IQGAP2: variants seen among roughly 807,000 people sequenced by gnomAD.
IQGAP2 encodes the protein ras GTPase-activating-like protein IQGAP2.
A neutral mutation model predicts 201.3 loss-of-function variants in IQGAP2; 173 were observed. The ratio of observed to expected loss-of-function variants is 0.86; its 90% CI spans 0.76 to 0.98. The LOEUF (loss-of-function observed/expected upper bound fraction) is 0.98. Ranked by LOEUF, IQGAP2 falls within the 50% of genes least tolerant of loss-of-function variation. IQGAP2 has a pLI of 0.00. For synonymous variants in IQGAP2, 675 were observed against 673.9 expected, an observed-to-expected ratio of 1.00 and a Z score of -0.03; for missense variants, 1,687 against 1,864.8, an observed-to-expected ratio of 0.90 and a Z score of 1.76.
At chr5:76,475,771 C>T (rs1487548967) in intron 2 of IQGAP2, among the ~76,000 whole-genome samples, 3 of 152,062 alleles carry the variant, frequency 2.0e-5, no homozygotes, top group Admixed American at 1.3e-4. Flanking sequence ...AGTCTACTTG[C>T]GTACATGTTA....
intron 11 of IQGAP2, among the ~76,000 whole-genome samples, chr5:76,602,366 T>C (rs1327033839): frequency 6.6e-6 from 1 of 152,180 alleles, no homozygotes; most frequent in Non-Finnish European, 1.5e-5. Flanking sequence ...ATTCCACATA[T>C]TTAGCATCCC....
Position 76,592,840 on chromosome 5 carries a change from T to A in IQGAP2, c.822T>A (p.Asn274Lys). The A allele has an allele frequency of 6.3e-7, 1 of 1,598,114 alleles. No homozygotes were observed. The highest frequency in any genetic ancestry group is 1.7e-4 in the Middle Eastern group (1 of 6,024). The change falls in exon 9 of 36, where the codon AAT (asparagine) becomes AAA (lysine). Residue 274 changes from asparagine to lysine, a missense_variant and splice_region_variant. Coordinates refer to ENST00000274364, the MANE Select transcript of IQGAP2 (RefSeq NM_006633.5). ...KKKEENARLK[N>K]SCISEEERDA... is the part of the protein sequence containing the mutation. ...TCAGTGAAGACTTTGTTTTGCAGAA[T>A]AGCTGTATTTCAGAAGAAGAAAGAG...
chr5:76,678,577 T>A (rs952238349), intron 28 of IQGAP2, among the ~76,000 whole-genome samples: 1 of 152,340 alleles, frequency 6.6e-6, no homozygotes, highest in South Asian at 2.1e-4. Flanking sequence ...CCTGGGGATA[T>A]GTTAGCAATG....
intron 4 of IQGAP2, among the ~76,000 whole-genome samples, chr5:76,571,154 A>G (rs1477432778): frequency 6.6e-6 from 1 of 151,850 alleles, no homozygotes; most frequent in Non-Finnish European, 1.5e-5. Context: ...ATTACTGTAA[A>G]TTATTATAAA....
At chr5:76,462,902 C>G (rs759790816) in intron 2 of IQGAP2, among the ~76,000 whole-genome samples, 2 of 151,952 alleles carry the variant, frequency 1.3e-5, no homozygotes, top group Non-Finnish European at 2.9e-5. Context: ...AGGATGCTAG[C>G]GATTCACTAT....
intron 2 of IQGAP2, among the ~76,000 whole-genome samples, chr5:76,472,573 C>T (rs1008815674): frequency 8.5e-5 from 13 of 152,162 alleles, no homozygotes; most frequent in South Asian, 6.2e-4. Context: ...CTCAGCAGGA[C>T]ACATTTCGTG....
At chr5:76,685,347 A>G (rs1263406665) in intron 30 of IQGAP2, among the ~76,000 whole-genome samples, 2 of 152,206 alleles carry the variant, frequency 1.3e-5, no homozygotes, top group Non-Finnish European at 2.9e-5. Context: ...CCATGATCTC[A>G]TAAGCTTTGT....
chr5:76,413,314 A>T (rs987551116), intron 1 of IQGAP2, among the ~76,000 whole-genome samples: 4 of 151,596 alleles, frequency 2.6e-5, no homozygotes, highest in African/African-American at 9.7e-5. Flanking sequence ...GACTACAAGC[A>T]CATGCCACCA....
Position 76,588,964 on chromosome 5 carries a change from G to T in IQGAP2, c.517G>T (p.Asp173Tyr), listed in dbSNP as rs758500626. ...PQIQDLLGKV[D>Y]FTEEEISNMR... is the part of the protein sequence containing the mutation. Reference sequence around the variant, plus strand: ...GATCCAGGATTTGTTGGGCAAAGTAGACTTCACAGGTACTACTCTTTATCT... The same window carrying T: ...GATCCAGGATTTGTTGGGCAAAGTATACTTCACAGGTACTACTCTTTATCT... The change falls in exon 6 of 36, where the codon GAC becomes TAC. Residue 173 changes from aspartate to tyrosine, a missense_variant. Physicochemically the swap from Asp to Tyr is radical, Grantham distance 160. Transcript: ENST00000274364. The T allele has an allele frequency of 6.3e-7, 1 of 1,598,468 alleles. No individual in the cohort carries two copies. The highest frequency in any genetic ancestry group is 1.7e-5 in the Admixed American group (1 of 59,868).
At chr5:76,609,216 TG>T in intron 12 of IQGAP2, 1 of 1,535,982 alleles carries the variant, frequency 6.5e-7, no homozygotes, top group Non-Finnish European at 8.7e-7. Flanking sequence ...CATTTTTGGA[TG>T]GGGTGTTTTA....
chr5:76,670,468 C>T (rs1302022436), intron 23 of IQGAP2, among the ~76,000 whole-genome samples: 4 of 152,036 alleles, frequency 2.6e-5, no homozygotes, highest in African/African-American at 4.8e-5. Flanking sequence ...GAGCTGAGAT[C>T]GCGCCACTGC....
intron 25 of IQGAP2, 162 bp downstream of exon 25, chr5:76,673,751 A>C (rs1466213855): frequency 8.9e-6 from 7 of 788,106 alleles, no homozygotes; most frequent in Non-Finnish European, 1.4e-5. Flanking sequence ...ACTGTTCTCT[A>C]AAGAAGGGGC....
At chr5:76,455,300 A>T (rs1444956775) in intron 1 of IQGAP2, among the ~76,000 whole-genome samples, 1 of 151,800 alleles carries the variant, frequency 6.6e-6, no homozygotes, top group Non-Finnish European at 1.5e-5. Context: ...AATACAAAAA[A>T]AATTTAGCCT....
At chr5:76,409,177 G>C (rs1431103446) in intron 1 of IQGAP2, among the ~76,000 whole-genome samples, 2 of 150,574 alleles carry the variant, frequency 1.3e-5, no homozygotes, top group African/African-American at 4.9e-5. Context: ...TTTATAAATA[G>C]ATGCATAAAG....
chr5:76,596,324 G>A (rs1363455424), intron 9 of IQGAP2, among the ~76,000 whole-genome samples: 1 of 152,168 alleles, frequency 6.6e-6, no homozygotes. Context: ...GCAAAACTCT[G>A]CAATCTCTGT....
chr5:76,663,039 CTCAATGGGCTGACCCCAGCTA>C (rs1343772246), intron 21 of IQGAP2, among the ~76,000 whole-genome samples: 25 of 152,356 alleles, frequency 1.6e-4, no homozygotes, highest in African/African-American at 5.5e-4. Flanking sequence ...ACCCCAGCTG[CTCAATGGGCTGACCCCAGCTA>C]TGGGAGAATG....
At chr5:76,457,635 T>A (rs1008809866) in intron 1 of IQGAP2, among the ~76,000 whole-genome samples, 1 of 152,190 alleles carries the variant, frequency 6.6e-6, no homozygotes, top group African/African-American at 2.4e-5. Flanking sequence ...TAGGGGAAAT[T>A]AAACAGCGAC....
chr5:76,693,290 A>G lies in IQGAP2; in HGVS notation c.3906-65A>G, dbSNP rs1580836979. The G allele has an allele frequency of 1.1e-5, 12 of 1,057,828 alleles. No individual in the cohort carries two copies. In the East Asian group the frequency reaches 3.0e-4, roughly 26 times the overall value. 65.5% of individuals were successfully genotyped at this position (1,057,828 alleles called of 1,614,324 possible). ...GTATGTGTTTGTGCACTCTCTTAGG[A>G]GAAACAGATTTTTGTGCATAAGGAC... On this transcript the variant is annotated intron_variant, in intron 30 of 35. Coordinates refer to ENST00000274364, the MANE Select transcript of IQGAP2 (RefSeq NM_006633.5).
chr5:76,560,311 C>T (rs143341070), intron 2 of IQGAP2, among the ~76,000 whole-genome samples: 1 of 145,578 alleles, frequency 6.9e-6, no homozygotes, highest in Non-Finnish European at 1.5e-5. Flanking sequence ...AACCACCATG[C>T]CTGGCTCTTT....
Sources: gnomAD v4.1 joint callset for allele counts (sites outside exome capture counted in the v4.1 genomes callset) on GRCh38, gnomAD v4.1.1 for gene constraint, MANE v1.5 for transcripts, NCBI Gene and HGNC (gene_info 2026-07-23, HGNC 2026-07-21) for gene names.